The following SSUH2 variants were observed in gnomAD, a reference collection of about 807,000 sequenced individuals.
SSUH2 encodes ssu-2 homolog.
In SSUH2, 47 loss-of-function variants were observed where a neutral mutation model predicts 55.3. The observed-to-expected ratio is 0.85, with a 90% CI of 0.67 to 1.08. SSUH2 has a LOEUF of 1.08. Among genes scored for constraint, SSUH2 ranks in the 50% least tolerant of loss-of-function variants. The pLI, the probability that SSUH2 is intolerant of heterozygous loss-of-function variation, is 0.00. For synonymous variants in SSUH2, 212 were observed against 191.5 expected (o/e 1.11, Z -0.89); for missense variants, 535 against 490.7 (o/e 1.09, Z -0.85).
intron 11 of SSUH2, among the ~76,000 whole-genome samples, chr3:8,622,174 C>T (rs1410760329): frequency 6.6e-6 from 1 of 152,148 alleles, no homozygotes; most frequent in Non-Finnish European, 1.5e-5. Context: ...ACTTCTCCAT[C>T]TTGAGTAAAA....
At position 8,638,430 on chromosome 3, in the gene SSUH2, C is replaced by A. The variant is rs17049383; in HGVS notation, c.29-2573G>T. ...GGTAAATAGAAAAAAGTTTCATAGA[C>A]GTAGAGTGCCTTTGTAAGCAAGAAA... On this transcript the variant is annotated intron_variant, in intron 1 of 11. Transcript: ENST00000544814. 1.4e-4 allele frequency among the ~76,000 whole-genome samples: 21 copies of A among 152,186 alleles called. 1 individual carries two copies. In the South Asian group the frequency reaches 3.9e-3, roughly 29 times the overall value.
intron 6 of SSUH2, among the ~76,000 whole-genome samples, chr3:8,660,994 A>G (rs1025105644): frequency 1.3e-5 from 2 of 152,234 alleles, no homozygotes; most frequent in African/African-American, 4.8e-5. Flanking sequence ...AGTGAGCAGG[A>G]TGTGAAGGGT....
chr3:8,665,701 C>T (rs555047439), intron 5 of SSUH2, among the ~76,000 whole-genome samples: 1 of 152,256 alleles, frequency 6.6e-6, no homozygotes, highest in East Asian at 1.9e-4. Context: ...TCACTTCAAA[C>T]GTCTTAACAA....
chr3:8,659,750 C>G (rs955458414), intron 6 of SSUH2: 1 of 456,314 alleles, frequency 2.2e-6, no homozygotes, highest in African/African-American at 2.0e-5. Context: ...TTCATTCATT[C>G]AATGGGTATT....
At chr3:8,674,879 A>T (rs1220726670) in intron 3 of SSUH2, among the ~76,000 whole-genome samples, 4 of 152,054 alleles carry the variant, frequency 2.6e-5, no homozygotes, top group Non-Finnish European at 5.9e-5. Flanking sequence ...TCCGGGCGGA[A>T]GACAACCCTC....
chr3:8,665,037 C>T (rs1252778239), intron 5 of SSUH2, among the ~76,000 whole-genome samples: 1 of 152,220 alleles, frequency 6.6e-6, no homozygotes, highest in Non-Finnish European at 1.5e-5. Flanking sequence ...CTGCTGTCTA[C>T]ACCCACTTCT....
chr3:8,672,884 C>A (rs1704758324), intron 3 of SSUH2, among the ~76,000 whole-genome samples: 1 of 151,814 alleles, frequency 6.6e-6, no homozygotes, highest in Non-Finnish European at 1.5e-5. Flanking sequence ...ATATTCGGAT[C>A]AATATCACTG....
rs778692790 is a variant in SSUH2, at chr3:8,619,874, G to A, written c.1122C>T (p.Ile374=). ...TGGGGACAGCCATGCTATGTCACACGATGGTACAGCCACAGCAATACCGCT... is the reference window on the plus strand; with the variant it reads ...TGGGGACAGCCATGCTATGTCACACAATGGTACAGCCACAGCAATACCGCT... ...YPERYCCGCT[I]V is the part of the protein sequence containing the mutation. Residue 374 remains isoleucine (I), a synonymous_variant, in exon 12 of 12, where the codon ATC becomes ATT. Coordinates refer to ENST00000544814, the MANE Select transcript of SSUH2 (RefSeq NM_001256748.3). The A allele has an allele frequency of 4.3e-6, 7 of 1,613,548 alleles. No individual in the cohort carries two copies. The highest frequency in any genetic ancestry group is 1.7e-5 in the Admixed American group (1 of 59,932).
At chr3:8,652,978 C>T (rs1702576278) in intron 7 of SSUH2, among the ~76,000 whole-genome samples, 1 of 152,230 alleles carries the variant, frequency 6.6e-6, no homozygotes. Context: ...TCCTGGGGAT[C>T]GGCTACCTAA....
rs578003922 is a variant in SSUH2 at position 8,632,074 on chromosome 3, G to A, written c.375C>T (p.Ser125=). 22 of 1,613,860 alleles carry A rather than the reference G, an allele frequency of 1.4e-5. No homozygotes were observed. Among genetic ancestry groups the A allele is most frequent in the Middle Eastern group, 1.6e-4 (1 of 6,062 alleles). The change falls in exon 5 of 12, where the codon AGC becomes AGT. Residue 125 remains serine, a synonymous_variant. Transcript: ENST00000544814. ...TAGTAAAGGGTTGAAATGTCCACTC[G>A]CTTATCCTGGATTCACTAAAGGTCT... ...RLETFSESRI[S]EWTFQPFTNH... is the part of the protein sequence containing the mutation.
intron 5 of SSUH2, among the ~76,000 whole-genome samples, chr3:8,665,406 T>A (rs1325410347): frequency 6.6e-6 from 1 of 152,200 alleles, no homozygotes; most frequent in Non-Finnish European, 1.5e-5. Flanking sequence ...TAGCATAGTC[T>A]GTTGACACAG....
chr3:8,670,849 A>C (rs1373079240), intron 5 of SSUH2: 2 of 193,290 alleles, frequency 1.0e-5, no homozygotes, highest in Non-Finnish European at 2.3e-5. Context: ...ATTATGAATA[A>C]TATCCCAGGA....
Position 8,619,441 on chromosome 3 carries a change from G to T in SSUH2, c.*427C>A, listed in dbSNP as rs1054816401. 2.4e-5 allele frequency: 4 copies of T among 164,508 alleles called. No individual in the cohort carries two copies. Among genetic ancestry groups the T allele is most frequent in the African/African-American group, 7.2e-5 (3 of 41,694 alleles). 10.2% of individuals were successfully genotyped at this position (164,508 alleles called of 1,614,324 possible). Reference sequence around the variant, plus strand: ...AGTGCAGTATTTATTGTGCATTAGGGCCAGATATTTGTGTGTATCCTTGAA... The same window carrying T: ...AGTGCAGTATTTATTGTGCATTAGGTCCAGATATTTGTGTGTATCCTTGAA... On this transcript the variant is annotated 3_prime_UTR_variant, in exon 12 of 12. Transcript: ENST00000544814.
chr3:8,662,449 A>G (rs548931486), intron 6 of SSUH2, among the ~76,000 whole-genome samples: 1 of 152,156 alleles, frequency 6.6e-6, no homozygotes, highest in South Asian at 2.1e-4. Flanking sequence ...TACTCACCCC[A>G]CCTGTGAAGG....
rs1033008420 is a variant in SSUH2, at chr3:8,619,760, G to A, written c.*108C>T. On this transcript the variant is annotated 3_prime_UTR_variant, in exon 12 of 12. Coordinates refer to ENST00000544814, the MANE Select transcript of SSUH2 (RefSeq NM_001256748.3). ...TGGTTTTTCTGGAAGGACATGCCAG[G>A]GTTTGTATGTGATTGTCCAATGCAG... is the stretch of plus-strand genomic sequence containing the variant. 2 of 1,332,456 alleles carry A rather than the reference G, an allele frequency of 1.5e-6. No homozygotes were observed. Among genetic ancestry groups the A allele is most frequent in the Non-Finnish European group, 2.1e-6 (2 of 970,194 alleles). The allele number at this position is 1,332,456 out of a possible 1,614,324, so 82.5% of individuals were successfully genotyped here.
At chr3:8,667,946 T>A (rs1157610729) in intron 5 of SSUH2, among the ~76,000 whole-genome samples, 1 of 152,094 alleles carries the variant, frequency 6.6e-6, no homozygotes, top group African/African-American at 2.4e-5. Flanking sequence ...GGGAGCTGGA[T>A]GAAAGCATCC....
At chr3:8,673,222 ACT>A (rs1035914069) in intron 3 of SSUH2, among the ~76,000 whole-genome samples, 3 of 152,040 alleles carry the variant, frequency 2.0e-5, no homozygotes, top group Admixed American at 6.5e-5. Flanking sequence ...CGTTAGTATA[ACT>A]CTTTAATATG....
At chr3:8,679,771 T>G (rs558669922) in exon 2 of SSUH2, 1 of 158,880 alleles carries the variant, frequency 6.3e-6, no homozygotes, top group Non-Finnish European at 1.3e-5. Flanking sequence ...AGTACCTTAC[T>G]TGGGATTTAC....
Position 8,668,492 on chromosome 3 carries a change from CT to C in SSUH2, c.-455+2505del, listed in dbSNP as rs527328538. Among the ~76,000 whole-genome samples, 1,023 of 152,208 alleles carry C rather than the reference CT, an allele frequency of 6.7e-3. 3 individuals are homozygous for C. Among genetic ancestry groups the C allele is most frequent in the Middle Eastern group, 0.01 (3 of 294 alleles). ...GCATCAGCAGACATCCATTATTTCT[CT>C]TTTTTTTCCTCATTAATCTCATTAC... On this transcript the variant is annotated intron_variant, in intron 5 of 18. Coordinates refer to the SSUH2 transcript ENST00000317371.
Sources: allele counts gnomAD v4.1 joint callset (sites outside exome capture counted in the v4.1 genomes callset), GRCh38; gene constraint gnomAD v4.1.1; transcripts MANE v1.5; gene names NCBI Gene and HGNC (gene_info 2026-07-23, HGNC 2026-07-21).